Variants in STRADB observed in about 807,000 individuals in gnomAD.
STRADB encodes the protein STE20 related adaptor beta.
STRADB carries 34 observed loss-of-function variants against 52.1 expected under a neutral mutation model. The observed-to-expected ratio is 0.65, with a 90% CI of 0.50 to 0.87. The LOEUF (loss-of-function observed/expected upper bound fraction) is 0.87. Among genes scored for constraint, STRADB ranks in the 40% least tolerant of loss-of-function variants. The pLI, the probability that STRADB is intolerant of heterozygous loss-of-function variation, is 0.00. For missense variants in STRADB, 340 were observed against 483.9 expected (o/e 0.70, Z 2.79); for synonymous variants, 133 against 174.5 (o/e 0.76, Z 1.87).
intron 8 of STRADB, 74 bp from the exon 9 acceptor site, chr2:201,478,013 C>A (rs1027194338): frequency 8.9e-6 from 12 of 1,346,210 alleles, no homozygotes; most frequent in Non-Finnish European, 1.0e-5. Context: ...CATTCTTTAT[C>A]AAAAAAGCAC....
At chr2:201,455,480 A>G (rs1328880189) in intron 2 of STRADB, among the ~76,000 whole-genome samples, 2 of 152,154 alleles carry the variant, frequency 1.3e-5, no homozygotes, top group East Asian at 1.9e-4. Context: ...TTTAGGGGCC[A>G]AGGCTAGAGA....
intron 5 of STRADB, 48 bp from the exon 6 acceptor site, chr2:201,474,599 A>G: frequency 6.6e-7 from 1 of 1,526,366 alleles, no homozygotes; most frequent in South Asian, 1.2e-5. Flanking sequence ...CATCATAAGG[A>G]AAAAACAGTT....
intron 6 of STRADB, 22 bp from the exon 7 acceptor site, chr2:201,475,597 G>T: frequency 6.2e-7 from 1 of 1,611,586 alleles, no homozygotes; most frequent in East Asian, 2.2e-5. Context: ...GTTCATCTAA[G>T]GATTTTAGGG....
At chr2:201,478,218 A>G (rs375922651) in intron 9 of STRADB, 27 bp downstream of exon 9, 9 of 1,602,814 alleles carry the variant, frequency 5.6e-6, no homozygotes, top group Non-Finnish European at 7.7e-6. Flanking sequence ...TCCCTGAGCT[A>G]CTTGCCTTTC....
intron 11 of STRADB, 118 bp from the exon 12 acceptor site, chr2:201,479,914 A>C (rs552405521): frequency 2.6e-4 from 334 of 1,276,370 alleles, no homozygotes; most frequent in Non-Finnish European, 3.5e-4. Context: ...TTTAGGGGAA[A>C]TACCTGAAAA....
intron 3 of STRADB, 126 bp downstream of exon 3, chr2:201,458,990 C>T (rs1018123714): frequency 1.4e-6 from 1 of 699,794 alleles, no homozygotes; most frequent in African/African-American, 1.8e-5. Flanking sequence ...AGTGAGATCT[C>T]ATCTTTAAAA....
chr2:201,454,983 T>C, intron 2 of STRADB, 131 bp downstream of exon 2: 1 of 739,056 alleles, frequency 1.4e-6, no homozygotes, highest in East Asian at 2.8e-5. Flanking sequence ...CCTGATTGAC[T>C]TCTGGACTTG....
At chr2:201,477,052 GT>G (rs1221462406) in intron 7 of STRADB, among the ~76,000 whole-genome samples, 120 of 57,044 alleles carry the variant, frequency 2.1e-3, no homozygotes, top group African/African-American at 7.9e-3. Flanking sequence ...AATATTATCA[GT>G]TTTTTTTTTT....
In STRADB at chr2:201,480,110, G is replaced by T. The variant is rs369053856; in HGVS notation, c.1192G>T (p.Val398Leu). ...CAAGCCATCAATATCATTGCCTCCAGTGTTACCTTGGACTGAGCCAGAATG... is the reference window on the plus strand; with the variant it reads ...CAAGCCATCAATATCATTGCCTCCATTGTTACCTTGGACTGAGCCAGAATG... ...YNKPSISLPP[V>L]LPWTEPECDF... Residue 398 changes from valine (V) to leucine (L), a missense_variant, in exon 12 of 12, where the codon GTG becomes TTG. Coordinates refer to ENST00000194530, the MANE Select transcript of STRADB (RefSeq NM_018571.6). The T allele has an allele frequency of 3.7e-6, 6 of 1,613,698 alleles. No homozygotes were observed. In the African/African-American group the frequency reaches 5.3e-5, roughly 14 times the overall value.
intron 2 of STRADB, 76 bp from the exon 3 acceptor site, chr2:201,458,708 C>T: frequency 4.4e-6 from 6 of 1,353,574 alleles, no homozygotes; most frequent in Non-Finnish European, 6.2e-6. Flanking sequence ...GTCATTAGAC[C>T]TTTTTGTATC....
At position 201,477,804 on chromosome 2, in the gene STRADB, G is replaced by GT. The variant is rs143198661; in HGVS notation, c.720+16dup. 2.5e-3 allele frequency: 4,039 copies of GT among 1,605,782 alleles called. 93 individuals are homozygous for GT. In the African/African-American group the frequency reaches 0.044, roughly 18 times the overall value. ...CTACTGAGACAGGTCAGGTGTGGCC[G>GT]TTGGATTGGGTTGTCTGTGTCTCAA... On this transcript the variant is annotated intron_variant, in intron 8 of 11. Coordinates refer to ENST00000194530, the MANE Select transcript of STRADB (RefSeq NM_018571.6).
At chr2:201,470,861 A>G (rs1200983820) in intron 4 of STRADB, among the ~76,000 whole-genome samples, 1 of 152,220 alleles carries the variant, frequency 6.6e-6, no homozygotes, top group Non-Finnish European at 1.5e-5. Flanking sequence ...TTAAGTGAAA[A>G]AGGAATATTT....
rs1027675584 is a variant in STRADB, at chr2:201,479,683, G to A, written c.1113+152G>A. ...GTTAAAAACAAGAAAACTTTTGGTA[G>A]TTCAATTATAGACTTTCTAAAATAC... is the stretch of plus-strand genomic sequence containing the variant. On this transcript the variant is annotated intron_variant, in intron 11 of 11. Transcript: ENST00000194530. The A allele has an allele frequency of 8.3e-5, 65 of 787,268 alleles. No individual in the cohort carries two copies. The East Asian group carries it at 1.8e-3, about 22-fold the overall frequency. The allele number at this position is 787,268 out of a possible 1,614,324, so 48.8% of individuals were successfully genotyped here. A position where few individuals can be genotyped will look rare whatever the true frequency, so the allele number is the denominator to read the frequency against.
At chr2:201,477,178 C>G (rs955576355) in intron 7 of STRADB, among the ~76,000 whole-genome samples, 4 of 142,824 alleles carry the variant, frequency 2.8e-5, no homozygotes, top group Non-Finnish European at 6.0e-5. Flanking sequence ...CATTCTCCTG[C>G]CTCAGCCTCC....
At position 201,472,954 on chromosome 2, in the gene STRADB, G is replaced by A; in HGVS notation, c.194-1G>A. On this transcript the variant is annotated splice_acceptor_variant, in intron 4 of 11. Coordinates refer to ENST00000194530, the MANE Select transcript of STRADB (RefSeq NM_018571.6). LOFTEE classifies it high-confidence loss of function. ...AACATGAGTTTTATGTCTGATTACA[G>A]GAAGAGGATTTGACAACTTGACTTC... is the stretch of plus-strand genomic sequence containing the variant. The A allele has an allele frequency of 6.3e-7, 1 of 1,597,548 alleles. No homozygotes were observed. Among genetic ancestry groups the A allele is most frequent in the African/African-American group, 1.3e-5 (1 of 74,102 alleles).
At chr2:201,469,927 G>A (rs1952363120) in intron 3 of STRADB, 26 bp from the exon 4 acceptor site, 14 of 1,569,546 alleles carry the variant, frequency 8.9e-6, no homozygotes, top group Non-Finnish European at 1.2e-5. Context: ...CATCTATTTT[G>A]TTTTTATCTT....
chr2:201,479,948 A>C, intron 11 of STRADB, 84 bp from the exon 12 acceptor site: 1 of 1,520,360 alleles, frequency 6.6e-7, no homozygotes, highest in Non-Finnish European at 9.1e-7. Flanking sequence ...ATTTAACATA[A>C]ATTCTTTAAA....
At chr2:201,471,432 T>C (rs1403040756) in intron 4 of STRADB, among the ~76,000 whole-genome samples, 1 of 152,208 alleles carries the variant, frequency 6.6e-6, no homozygotes, top group Non-Finnish European at 1.5e-5. Flanking sequence ...AGATTTGGAA[T>C]TGTCCTTCCG....
At position 201,465,270 on chromosome 2, in the gene STRADB, TGTTG is replaced by T. The variant is rs1403860786; in HGVS notation, c.94-4682_94-4679del. Among the ~76,000 whole-genome samples the T allele has an allele frequency of 5.9e-5, 9 of 152,326 alleles. No homozygotes were observed. In the South Asian group the frequency reaches 1.2e-3, roughly 21 times the overall value. ...CCCACAGCAGGTACTGCCTGGATACTGTTGATGTTTATTCAAGGCGCAAGGTCTT... is the reference window on the plus strand; with the variant it reads ...CCCACAGCAGGTACTGCCTGGATACTATGTTTATTCAAGGCGCAAGGTCTT... On this transcript the variant is annotated intron_variant, in intron 3 of 11. Coordinates refer to ENST00000194530, the MANE Select transcript of STRADB (RefSeq NM_018571.6).
Sources: allele counts gnomAD v4.1 joint callset (sites outside exome capture counted in the v4.1 genomes callset), GRCh38; gene constraint gnomAD v4.1.1; transcripts MANE v1.5; gene names NCBI Gene and HGNC (gene_info 2026-07-23, HGNC 2026-07-21).